SUCLG2: variants seen among roughly 807,000 people sequenced by gnomAD.
SUCLG2 encodes succinate--CoA ligase [GDP-forming] subunit beta, mitochondrial.
In SUCLG2, 42 loss-of-function variants were observed where a neutral mutation model predicts 47.9. That is an observed-to-expected ratio of 0.88 (90% confidence interval 0.69 to 1.14). The LOEUF (loss-of-function observed/expected upper bound fraction) is 1.14, where lower values mean the gene tolerates loss of function less well. Ranked by LOEUF, SUCLG2 falls within the 50% of genes most tolerant of loss-of-function variation. SUCLG2 has a pLI of 0.00. For missense variants in SUCLG2, 571 were observed against 525.9 expected (o/e 1.09, Z -0.84); for synonymous variants, 195 against 197.3 (o/e 0.99, Z 0.10).
intron 9 of SUCLG2, among the ~76,000 whole-genome samples, chr3:67,472,936 A>G (rs765021636): frequency 2.0e-5 from 3 of 152,198 alleles, no homozygotes; most frequent in East Asian, 1.9e-4. Context: ...GAAATGACTA[A>G]AAGTATAAGG....
chr3:67,559,541 A>G (rs1432496848), intron 2 of SUCLG2, among the ~76,000 whole-genome samples: 3 of 152,168 alleles, frequency 2.0e-5, no homozygotes, highest in African/African-American at 7.2e-5. Flanking sequence ...GCCATGATCC[A>G]ATCACCTCCC....
chr3:67,483,649 A>G lies in SUCLG2; in HGVS notation c.1062+12149T>C, dbSNP rs190148548. Among the ~76,000 whole-genome samples the G allele has an allele frequency of 7.9e-5, 12 of 152,362 alleles. No homozygotes were observed. In the East Asian group the frequency reaches 1.7e-3, roughly 22 times the overall value. On this transcript the variant is annotated intron_variant, in intron 9 of 10. Coordinates refer to ENST00000307227, the MANE Select transcript of SUCLG2 (RefSeq NM_003848.4). ...ACTCACTGCTTTATCCTCAGTGCCT[A>G]TAAGAATGCCTGGCAGGGATGACAC... is the stretch of plus-strand genomic sequence containing the variant.
chr3:67,372,450 T>C (rs1174256388), downstream of SUCLG2, among the ~76,000 whole-genome samples: 2 of 152,182 alleles, frequency 1.3e-5, no homozygotes, highest in Non-Finnish European at 2.9e-5. Context: ...ATGACATACT[T>C]ACTAGCAAGG....
chr3:67,586,630 C>T (rs13085475), intron 2 of SUCLG2, among the ~76,000 whole-genome samples: 101,848 of 152,030 alleles, frequency 0.67, 36,798 homozygotes, highest in Non-Finnish European at 0.81. Flanking sequence ...TTGCTGGCTT[C>T]TTCTATTTTT....
chr3:67,601,081 A>T (rs577589732), intron 2 of SUCLG2, among the ~76,000 whole-genome samples: 7 of 152,192 alleles, frequency 4.6e-5, no homozygotes, highest in Non-Finnish European at 7.4e-5. Context: ...TTTGGAAAAA[A>T]ATTTAATATT....
At chr3:67,406,687 G>A (rs1448817781) in intron 9 of SUCLG2, among the ~76,000 whole-genome samples, 1 of 152,154 alleles carries the variant, frequency 6.6e-6, no homozygotes, top group South Asian at 2.1e-4. Flanking sequence ...ATGGAAACAA[G>A]ATGGGCCCCC....
chr3:67,601,724 C>T (rs1460812532), intron 2 of SUCLG2, among the ~76,000 whole-genome samples: 1 of 152,128 alleles, frequency 6.6e-6, no homozygotes, highest in Admixed American at 6.5e-5. Flanking sequence ...CTTGGCCTCC[C>T]AAAGGCCAGC....
intron 10 of SUCLG2, among the ~76,000 whole-genome samples, chr3:67,367,821 T>C (rs529287028): frequency 6.6e-6 from 1 of 152,178 alleles, no homozygotes; most frequent in Non-Finnish European, 1.5e-5. Flanking sequence ...TTAGTTTATA[T>C]TGTTATGGTC....
intron 2 of SUCLG2, among the ~76,000 whole-genome samples, chr3:67,605,904 G>A (rs988158618): frequency 3.9e-5 from 6 of 151,938 alleles, no homozygotes; most frequent in African/African-American, 1.4e-4. Flanking sequence ...TTCCTCCAGA[G>A]CAGAAATTCT....
intron 1 of SUCLG2, among the ~76,000 whole-genome samples, chr3:67,640,375 A>C (rs1240198036): frequency 6.6e-6 from 1 of 152,332 alleles, no homozygotes; most frequent in East Asian, 1.9e-4. Context: ...TTAGTAAGGA[A>C]ACTGAGTCTC....
chr3:67,471,162 A>T (rs1704596474), intron 9 of SUCLG2, among the ~76,000 whole-genome samples: 1 of 152,196 alleles, frequency 6.6e-6, no homozygotes, highest in African/African-American at 2.4e-5. Context: ...TGGAGAAATG[A>T]TTATTTAAAT....
At chr3:67,464,580 A>T (rs973876447) in intron 9 of SUCLG2, among the ~76,000 whole-genome samples, 4 of 152,230 alleles carry the variant, frequency 2.6e-5, no homozygotes, top group Non-Finnish European at 5.9e-5. Context: ...TTCAACTCCA[A>T]GTCAAAACTT....
At chr3:67,654,434 A>AG in intron 1 of SUCLG2, 69 bp downstream of exon 1, 1 of 1,164,912 alleles carries the variant, frequency 8.6e-7, no homozygotes, top group Non-Finnish European at 1.1e-6. Context: ...CAAGAGTAGC[A>AG]GGGGGCGAGG....
intron 2 of SUCLG2, among the ~76,000 whole-genome samples, chr3:67,544,105 G>C (rs1436925965): frequency 2.0e-5 from 3 of 152,134 alleles, no homozygotes; most frequent in South Asian, 2.1e-4. Context: ...TAAATGTCAT[G>C]GTCATTGCCT....
intron 7 of SUCLG2, among the ~76,000 whole-genome samples, chr3:67,501,313 T>G (rs934720561): frequency 6.6e-6 from 1 of 152,174 alleles, no homozygotes; most frequent in Non-Finnish European, 1.5e-5. Context: ...AGAAAAACTT[T>G]AAGGATGTAA....
chr3:67,641,454 C>T (rs1314016760), intron 1 of SUCLG2, among the ~76,000 whole-genome samples: 1 of 152,168 alleles, frequency 6.6e-6, no homozygotes, highest in Non-Finnish European at 1.5e-5. Flanking sequence ...TAGGTTGGTG[C>T]AAAGTTACAA....
intron 8 of SUCLG2, 141 bp downstream of exon 8, chr3:67,497,993 C>G (rs937974927): frequency 4.7e-6 from 4 of 842,946 alleles, no homozygotes; most frequent in Non-Finnish European, 7.1e-6. Flanking sequence ...TGAGAAGAAA[C>G]TTGGATACTT....
chr3:67,467,651 C>G (rs550560676), intron 9 of SUCLG2, among the ~76,000 whole-genome samples: 1 of 152,190 alleles, frequency 6.6e-6, no homozygotes, highest in East Asian at 1.9e-4. Context: ...ACTACCAGAT[C>G]AGTATAACAC....
chr3:67,424,879 TTTAGCCAATCTGAACAA>T (rs1392275306), intron 9 of SUCLG2, among the ~76,000 whole-genome samples: 5 of 152,098 alleles, frequency 3.3e-5, no homozygotes, highest in Non-Finnish European at 7.3e-5. Context: ...GCATTCCACT[TTTAGCCAATCTGAACAA>T]TCTCTTTACT....
Sources: allele counts gnomAD v4.1 joint callset (sites outside exome capture counted in the v4.1 genomes callset), GRCh38; gene constraint gnomAD v4.1.1; transcripts MANE v1.5; gene names NCBI Gene and HGNC (gene_info 2026-07-23, HGNC 2026-07-21).